AGBL1: variants seen among roughly 807,000 people sequenced by gnomAD.
AGBL1 encodes the protein cytosolic carboxypeptidase 4.
AGBL1 carries 130 observed loss-of-function variants against 118.9 expected under a neutral mutation model. That is an observed-to-expected ratio of 1.09 (90% CI 0.95 to 1.26). AGBL1 has a LOEUF of 1.26. AGBL1 is among the 50% of genes most tolerant of loss of function. The pLI is 0.00. For missense variants in AGBL1, 1,584 were observed against 1,298.1 expected (o/e 1.22, Z -3.38); for synonymous variants, 555 against 478.9 (o/e 1.16, Z -2.08).
chr15:86,633,847 TGTATATA>T (rs2085028357), intron 21 of AGBL1, among the ~76,000 whole-genome samples: 1 of 41,924 alleles, frequency 2.4e-5, no homozygotes, highest in African/African-American at 1.4e-4. Flanking sequence ...ATATATATAA[TGTATATA>T]TATATATAAT....
chr15:86,578,036 G>A (rs909930084), intron 21 of AGBL1, among the ~76,000 whole-genome samples: 11 of 152,116 alleles, frequency 7.2e-5, no homozygotes, highest in Admixed American at 1.3e-4. Context: ...GAGGGCCACC[G>A]TCCTCCAGAC....
intron 22 of AGBL1, among the ~76,000 whole-genome samples, chr15:86,899,293 C>T (rs1290445639): frequency 1.3e-5 from 2 of 152,048 alleles, no homozygotes; most frequent in Non-Finnish European, 2.9e-5. Flanking sequence ...GAGCAGAAAA[C>T]CAAATACCAC....
intron 22 of AGBL1, among the ~76,000 whole-genome samples, chr15:86,840,478 C>T (rs2079229374): frequency 6.6e-6 from 1 of 152,172 alleles, no homozygotes; most frequent in South Asian, 2.1e-4. Context: ...CAGAGTCTCA[C>T]TCTGTTGCCC....
chr15:86,394,003 C>A (rs1433297449), intron 17 of AGBL1, among the ~76,000 whole-genome samples: 2 of 152,192 alleles, frequency 1.3e-5, no homozygotes, highest in East Asian at 3.9e-4. Context: ...TTTGCTGGCA[C>A]CGTAATCATA....
intron 1 of AGBL1, 112 bp downstream of exon 1, chr15:86,080,135 T>C (rs1418477860): frequency 1.2e-6 from 1 of 816,356 alleles, no homozygotes; most frequent in Non-Finnish European, 1.6e-6. Context: ...CCCAGTTTGT[T>C]AACAGCAAGA....
Position 86,391,131 on chromosome 15 carries a change from T to C in AGBL1, c.2375-6235T>C, listed in dbSNP as rs1423176613. ...GGAGATGACAATAATAATTTTATCA[T>C]GATCATTTGATTTTACAACACTGTA... On this transcript the variant is annotated intron_variant, in intron 17 of 22. Coordinates refer to ENST00000614907, the MANE Select transcript of AGBL1 (RefSeq NM_001386094.1). 6.6e-5 allele frequency among the ~76,000 whole-genome samples: 10 copies of C among 152,108 alleles called. No individual in the cohort carries two copies. The East Asian group carries it at 1.9e-3, about 29-fold the overall frequency.
chr15:86,873,126 A>C (rs2079753565), intron 22 of AGBL1, among the ~76,000 whole-genome samples: 1 of 152,220 alleles, frequency 6.6e-6, no homozygotes, highest in South Asian at 2.1e-4. Flanking sequence ...TTTCTTTTCA[A>C]AGGTAAAGTT....
intron 17 of AGBL1, among the ~76,000 whole-genome samples, chr15:86,317,886 A>T (rs74027505): frequency 6.6e-6 from 1 of 152,224 alleles, no homozygotes; most frequent in African/African-American, 2.4e-5. Flanking sequence ...ACTATAGAAT[A>T]TAAGTTTCAT....
At chr15:86,646,735 G>A (rs1197836965) in intron 21 of AGBL1, among the ~76,000 whole-genome samples, 1 of 152,174 alleles carries the variant, frequency 6.6e-6, no homozygotes, top group East Asian at 1.9e-4. Flanking sequence ...CCATTAGTCA[G>A]TCCTATGACC....
At position 86,860,591 on chromosome 15, in the gene AGBL1, C is replaced by T. The variant is rs183516475; in HGVS notation, c.3159-46496C>T. Among the ~76,000 whole-genome samples the T allele has an allele frequency of 5.3e-3, 807 of 152,242 alleles. 2 individuals are homozygous for T. Among genetic ancestry groups the T allele is most frequent in the Non-Finnish European group, 9.2e-3 (624 of 68,026 alleles). Reference sequence around the variant, plus strand: ...GCCATCCAGACATGTTGGTACTACACGACTACAAATTATGCTTTGGTGCCT... The same window carrying T: ...GCCATCCAGACATGTTGGTACTACATGACTACAAATTATGCTTTGGTGCCT... On this transcript the variant is annotated intron_variant, in intron 22 of 22. Transcript: ENST00000614907.
chr15:86,578,582 G>C (rs1469107849), intron 21 of AGBL1, among the ~76,000 whole-genome samples: 3 of 152,194 alleles, frequency 2.0e-5, no homozygotes, highest in African/African-American at 7.2e-5. Context: ...TGGTTTGGCT[G>C]TATCCCCATG....
chr15:86,941,489 G>T (rs1290682579), intron 23 of AGBL1, among the ~76,000 whole-genome samples: 1 of 152,186 alleles, frequency 6.6e-6, no homozygotes, highest in Non-Finnish European at 1.5e-5. Flanking sequence ...CACGCCCAAG[G>T]AAGAGCCCTC....
chr15:86,540,011 C>T (rs1002750093), intron 19 of AGBL1, among the ~76,000 whole-genome samples: 1 of 152,156 alleles, frequency 6.6e-6, no homozygotes, highest in African/African-American at 2.4e-5. Context: ...CAAACTGGGG[C>T]TCCAATATTT....
intron 22 of AGBL1, among the ~76,000 whole-genome samples, chr15:86,899,522 C>T (rs1183837003): frequency 1.3e-5 from 2 of 152,120 alleles, no homozygotes; most frequent in African/African-American, 2.4e-5. Context: ...ACAAGTACCC[C>T]TGAACCTAAA....
At chr15:86,541,057 A>G (rs2083488356) in intron 19 of AGBL1, among the ~76,000 whole-genome samples, 1 of 152,244 alleles carries the variant, frequency 6.6e-6, no homozygotes, top group Non-Finnish European at 1.5e-5. Flanking sequence ...ATCTGTTGCT[A>G]AGACACAGTT....
intron 4 of AGBL1, among the ~76,000 whole-genome samples, chr15:86,154,874 T>G (rs1290452115): frequency 6.6e-6 from 1 of 152,108 alleles, no homozygotes; most frequent in Non-Finnish European, 1.5e-5. Flanking sequence ...AAAAGGTCTG[T>G]GACAGGAGAA....
intron 5 of AGBL1, among the ~76,000 whole-genome samples, chr15:86,196,007 G>C (rs2077795523): frequency 1.3e-5 from 2 of 152,142 alleles, no homozygotes; most frequent in African/African-American, 4.8e-5. Flanking sequence ...GGGAGCTTCA[G>C]TTCAAATGCC....
intron 16 of AGBL1, among the ~76,000 whole-genome samples, chr15:86,285,677 G>A (rs1258338527): frequency 2.6e-5 from 4 of 152,108 alleles, no homozygotes; most frequent in Admixed American, 6.6e-5. Context: ...GCATGAGAAT[G>A]GACTAATACA....
At chr15:86,556,164 G>A in intron 21 of AGBL1, 1 of 1,421,728 alleles carries the variant, frequency 7.0e-7, no homozygotes, top group East Asian at 2.3e-5. Flanking sequence ...GTTCTCTGGA[G>A]CTGTTTGAAA....
Sources: gnomAD v4.1 joint callset for allele counts (sites outside exome capture counted in the v4.1 genomes callset) on GRCh38, gnomAD v4.1.1 for gene constraint, MANE v1.5 for transcripts, NCBI Gene and HGNC (gene_info 2026-07-23, HGNC 2026-07-21) for gene names.